COL5A2: variants seen among roughly 807,000 people sequenced by gnomAD.
The protein encoded by COL5A2 is collagen type V alpha 2 chain.
In COL5A2, 23 loss-of-function variants were observed where a neutral mutation model predicts 208.2. The observed-to-expected ratio is 0.11, with a 90% CI of 0.08 to 0.16. The LOEUF (loss-of-function observed/expected upper bound fraction) is 0.16. Ranked by LOEUF, COL5A2 falls within the 10% of genes least tolerant of loss-of-function variation. The probability of loss-of-function intolerance (pLI) is 1.00; values close to 1 mark genes in which losing one functional copy is unlikely to be tolerated. For missense variants in COL5A2, 1,590 were observed against 1,956.4 expected, an observed-to-expected ratio of 0.81 and a Z score of 3.53; for synonymous variants, 625 against 628.5, an observed-to-expected ratio of 0.99 and a Z score of 0.08.
At chr2:189,080,524 T>C (rs993118308) in intron 13 of COL5A2, among the ~76,000 whole-genome samples, 3 of 151,982 alleles carry the variant, frequency 2.0e-5, no homozygotes, top group Admixed American at 6.6e-5. Context: ...ATTCTACATA[T>C]GTAAACAATA....
chr2:189,385,889 C>T, the COL5A2 span, among the ~76,000 whole-genome samples: 1 of 152,100 alleles, frequency 6.6e-6, no homozygotes, highest in African/African-American at 2.4e-5. Context: ...TAAAGACATA[C>T]CTGAGACTGG....
chr2:189,151,397 A>G (rs1688139139), intron 1 of COL5A2, among the ~76,000 whole-genome samples: 1 of 152,184 alleles, frequency 6.6e-6, no homozygotes, highest in East Asian at 1.9e-4. Context: ...AGCAAAGACA[A>G]TCTAGATAAC....
the COL5A2 span, among the ~76,000 whole-genome samples, chr2:189,268,904 C>T: frequency 2.0e-5 from 3 of 152,040 alleles, no homozygotes; most frequent in African/African-American, 7.2e-5. Flanking sequence ...GTTGCTTAAC[C>T]TTTCAAAGAC....
chr2:189,301,374 A>G, the COL5A2 span, among the ~76,000 whole-genome samples: 1 of 152,220 alleles, frequency 6.6e-6, no homozygotes. Context: ...AAAATAATGT[A>G]TTATCTGCTA....
Position 189,201,846 on chromosome 2 carries a change from G to A in COL5A2, c.-42+23302C>T, listed in dbSNP as rs1315402520. ...GCTTTAGGAAGAAAAAAGTTATCTCGGAAAAGACATCTGAGGTACAAAAGG... is the reference window on the plus strand; with the variant it reads ...GCTTTAGGAAGAAAAAAGTTATCTCAGAAAAGACATCTGAGGTACAAAAGG... On this transcript the variant is annotated intron_variant, in intron 1 of 10. Transcript: ENST00000649966. Among the ~76,000 whole-genome samples the A allele has an allele frequency of 5.9e-5, 9 of 151,468 alleles. No individual in the cohort carries two copies. The East Asian group carries it at 9.7e-4, about 16-fold the overall frequency.
At chr2:189,133,923 C>T (rs774602182) in intron 1 of COL5A2, among the ~76,000 whole-genome samples, 3 of 151,988 alleles carry the variant, frequency 2.0e-5, no homozygotes, top group Non-Finnish European at 4.4e-5. Flanking sequence ...TACATGAAAT[C>T]GCTGCCACAC....
rs1686536480 is a variant in COL5A2, at chr2:189,081,639, T to TA, written c.853-597dup. ...AAAACTTTGTGGATTTATGATTATT[T>TA]AAAAAACTAAATGAATAAACAAAAT... On this transcript the variant is annotated intron_variant, in intron 12 of 53. Transcript: ENST00000374866. Among the ~76,000 whole-genome samples the TA allele has an allele frequency of 1.3e-5, 2 of 152,146 alleles. 1 individual carries two copies. The highest frequency in any genetic ancestry group is 4.1e-4 in the South Asian group (2 of 4,826).
At chr2:189,303,425 C>A in the COL5A2 span, among the ~76,000 whole-genome samples, 1 of 152,092 alleles carries the variant, frequency 6.6e-6, no homozygotes, top group Non-Finnish European at 1.5e-5. Flanking sequence ...CCTCTATAGG[C>A]CCCCCAAAAC....
At chr2:189,224,917 C>G (rs1352398211) in intron 1 of COL5A2, among the ~76,000 whole-genome samples, 1 of 151,728 alleles carries the variant, frequency 6.6e-6, no homozygotes, top group Non-Finnish European at 1.5e-5. Flanking sequence ...TCTTAAAAAC[C>G]AATTAAAATC....
chr2:189,364,212 A>G, the COL5A2 span, among the ~76,000 whole-genome samples: 1 of 152,248 alleles, frequency 6.6e-6, no homozygotes, highest in Non-Finnish European at 1.5e-5. Flanking sequence ...TTTCTTGGAC[A>G]AAAATCTGTA....
chr2:189,426,330 C>T, the COL5A2 span, among the ~76,000 whole-genome samples: 1 of 152,144 alleles, frequency 6.6e-6, no homozygotes, highest in Non-Finnish European at 1.5e-5. Flanking sequence ...CACCCCTCTG[C>T]TCACTGAGAT....
chr2:189,222,432 T>C (rs1689358441), intron 1 of COL5A2, among the ~76,000 whole-genome samples: 1 of 152,304 alleles, frequency 6.6e-6, no homozygotes, highest in African/African-American at 2.4e-5. Context: ...AATAAATATG[T>C]TATCAAGTAT....
At chr2:189,421,716 A>G in the COL5A2 span, among the ~76,000 whole-genome samples, 1 of 152,148 alleles carries the variant, frequency 6.6e-6, no homozygotes. Flanking sequence ...GACAGACTCA[A>G]TCTGCAGTCT....
At chr2:189,143,796 C>T (rs1249242670) in intron 1 of COL5A2, among the ~76,000 whole-genome samples, 1 of 151,928 alleles carries the variant, frequency 6.6e-6, no homozygotes, top group Non-Finnish European at 1.5e-5. Flanking sequence ...AGGTCTTAAA[C>T]TGGACTTTGA....
intron 1 of COL5A2, among the ~76,000 whole-genome samples, chr2:189,136,497 TA>T (rs948784930): frequency 3.7e-5 from 4 of 107,874 alleles, no homozygotes; most frequent in African/African-American, 1.4e-4. Context: ...GGCATCTGTA[TA>T]TTTTTTCTTT....
At chr2:189,076,771 T>C (rs1686414427) in intron 16 of COL5A2, among the ~76,000 whole-genome samples, 1 of 152,042 alleles carries the variant, frequency 6.6e-6, no homozygotes, top group Admixed American at 6.6e-5. Flanking sequence ...GGCAATAGGA[T>C]ATGTGGGTCA....
the COL5A2 span, among the ~76,000 whole-genome samples, chr2:189,326,558 G>A: frequency 6.6e-6 from 1 of 151,820 alleles, no homozygotes; most frequent in Non-Finnish European, 1.5e-5. Context: ...GTGCATGGTG[G>A]TGTGCGCGCC....
chr2:189,227,093 A>C (rs1559150914), upstream of COL5A2, among the ~76,000 whole-genome samples: 1 of 152,140 alleles, frequency 6.6e-6, no homozygotes, highest in African/African-American at 2.4e-5. Flanking sequence ...CAGAATCTCT[A>C]CTTGGGCCAA....
At chr2:189,125,100 T>C (rs1307730643) in intron 1 of COL5A2, among the ~76,000 whole-genome samples, 8 of 152,144 alleles carry the variant, frequency 5.3e-5, no homozygotes, top group Non-Finnish European at 1.2e-4. Context: ...ACTATGGGAT[T>C]TATTATGAAC....
Sources: gnomAD v4.1 joint callset for allele counts (sites outside exome capture counted in the v4.1 genomes callset) on GRCh38, gnomAD v4.1.1 for gene constraint, MANE v1.5 for transcripts, NCBI Gene and HGNC (gene_info 2026-07-23, HGNC 2026-07-21) for gene names.